Variants in LSAMP observed in about 807,000 individuals in gnomAD.
LSAMP encodes the protein limbic system associated membrane protein.
In LSAMP, 7 loss-of-function variants were observed where a neutral mutation model predicts 38.6. That is an observed-to-expected ratio of 0.18 (90% CI 0.10 to 0.34). LSAMP has a LOEUF of 0.34. Among genes scored for constraint, LSAMP ranks in the 10% least tolerant of loss-of-function variants. The pLI, the probability that LSAMP is intolerant of heterozygous loss-of-function variation, is 1.00. For synonymous variants in LSAMP, 154 were observed against 166.8 expected (o/e 0.92, Z 0.59); for missense variants, 313 against 420.0 (o/e 0.75, Z 2.23).
Position 116,240,292 on chromosome 3 carries a change from A to C in LSAMP, c.156-153736T>G, listed in dbSNP as rs186108949. On this transcript the variant is annotated intron_variant, in intron 1 of 6. Coordinates refer to ENST00000490035, the MANE Select transcript of LSAMP (RefSeq NM_002338.5). ...TCTTTTGGAGCTTTTGTAAGATGGCAGACTTTAGTGAGAAAACCATGTCAG... is the reference window on the plus strand; with the variant it reads ...TCTTTTGGAGCTTTTGTAAGATGGCCGACTTTAGTGAGAAAACCATGTCAG... 2.3e-3 allele frequency among the ~76,000 whole-genome samples: 357 copies of C among 152,326 alleles called. 4 individuals are homozygous for C. Among genetic ancestry groups the C allele is most frequent in the African/African-American group, 8.3e-3 (344 of 41,568 alleles).
intron 3 of LSAMP, among the ~76,000 whole-genome samples, chr3:115,880,557 C>G (rs138400220): frequency 3.3e-5 from 5 of 151,976 alleles, no homozygotes; most frequent in African/African-American, 1.2e-4. Context: ...TAAAGGACTA[C>G]GCTGAAAATT....
intron 2 of LSAMP, among the ~76,000 whole-genome samples, chr3:116,057,934 C>A (rs559104755): frequency 8.4e-6 from 1 of 119,328 alleles, no homozygotes; most frequent in Non-Finnish European, 1.7e-5. Flanking sequence ...ATAGTAGCTA[C>A]ACACACACAC....
chr3:115,935,088 A>G (rs1177289825), intron 3 of LSAMP, among the ~76,000 whole-genome samples: 2 of 151,552 alleles, frequency 1.3e-5, no homozygotes, highest in African/African-American at 2.4e-5. Flanking sequence ...AAATAATGAG[A>G]AAAAAAAAGG....
chr3:116,421,843 G>T (rs1274600719), intron 1 of LSAMP, among the ~76,000 whole-genome samples: 2 of 152,106 alleles, frequency 1.3e-5, no homozygotes, highest in Non-Finnish European at 2.9e-5. Flanking sequence ...AACCTAAAAT[G>T]GTGTAGTTAT....
intron 1 of LSAMP, among the ~76,000 whole-genome samples, chr3:116,222,805 G>A (rs750115114): frequency 8.5e-5 from 11 of 128,956 alleles, no homozygotes; most frequent in East Asian, 2.3e-4. Flanking sequence ...GCGCGATCTC[G>A]GCTCACTGCA....
intron 1 of LSAMP, among the ~76,000 whole-genome samples, chr3:116,317,395 T>C (rs935843705): frequency 2.7e-5 from 4 of 150,414 alleles, no homozygotes; most frequent in Non-Finnish European, 5.9e-5. Flanking sequence ...TCGCTCTGTC[T>C]CCCAGGCTGG....
chr3:115,990,252 C>G (rs1366024408), intron 3 of LSAMP, among the ~76,000 whole-genome samples: 1 of 151,898 alleles, frequency 6.6e-6, no homozygotes, highest in East Asian at 1.9e-4. Context: ...TCATAATGAT[C>G]AATTTAATCA....
chr3:116,386,939 T>C (rs1007048586), intron 1 of LSAMP, among the ~76,000 whole-genome samples: 1 of 152,162 alleles, frequency 6.6e-6, no homozygotes, highest in African/African-American at 2.4e-5. Context: ...AGAAGATATG[T>C]CTGGTCAAAT....
chr3:116,265,495 C>T (rs2046879735), intron 1 of LSAMP, among the ~76,000 whole-genome samples: 1 of 152,120 alleles, frequency 6.6e-6, no homozygotes, highest in South Asian at 2.1e-4. Context: ...TAGCGTATAC[C>T]CTGCCAGAAC....
At position 116,445,431 on chromosome 3, in the gene LSAMP, C is replaced by T. The variant is rs1183322233; in HGVS notation, c.-400G>A. Reference sequence around the variant, plus strand: ...CCACTTTCCCAGGCTGGCGGGCGGGCGGGCGAGGGAGCCGGCACCAAGCCT... The same window carrying T: ...CCACTTTCCCAGGCTGGCGGGCGGGTGGGCGAGGGAGCCGGCACCAAGCCT... On this transcript the variant is annotated 5_prime_UTR_variant, in exon 1 of 7. Coordinates refer to ENST00000490035, the MANE Select transcript of LSAMP (RefSeq NM_002338.5). The T allele has an allele frequency of 2.3e-5, 5 of 217,774 alleles. No individual in the cohort carries two copies. The highest frequency in any genetic ancestry group is 1.6e-4 in the Admixed American group (3 of 19,120). 13.5% of individuals were successfully genotyped at this position (217,774 alleles called of 1,614,324 possible).
At chr3:116,033,763 G>C (rs748691971) in intron 2 of LSAMP, among the ~76,000 whole-genome samples, 1 of 152,040 alleles carries the variant, frequency 6.6e-6, no homozygotes, top group East Asian at 1.9e-4. Flanking sequence ...AACTGCCACT[G>C]GAACTCTGGG....
intron 1 of LSAMP, among the ~76,000 whole-genome samples, chr3:116,139,837 T>C (rs966259461): frequency 6.6e-6 from 1 of 151,984 alleles, no homozygotes; most frequent in Non-Finnish European, 1.5e-5. Context: ...CATTTCAGTA[T>C]AGAGAGGGGA....
intron 3 of LSAMP, among the ~76,000 whole-genome samples, chr3:115,997,844 TATTATGTATTTTATATATTAGAATATAC>T (rs1484439764): frequency 1.4e-5 from 2 of 145,804 alleles, no homozygotes; most frequent in African/African-American, 5.0e-5. Flanking sequence ...TTAGAATATA[TATTATGTATTTTATATATTAGAATATAC>T]AATATACATT....
chr3:115,970,548 T>G (rs1394210840), intron 3 of LSAMP, among the ~76,000 whole-genome samples: 1 of 152,170 alleles, frequency 6.6e-6, no homozygotes, highest in East Asian at 1.9e-4. Context: ...CCCTTGGACC[T>G]TAGTGTACTT....
At chr3:116,397,711 T>C (rs902171116) in intron 1 of LSAMP, among the ~76,000 whole-genome samples, 1 of 151,276 alleles carries the variant, frequency 6.6e-6, no homozygotes, top group Non-Finnish European at 1.5e-5. Context: ...GTGAATATAG[T>C]AGAAAATAAA....
chr3:115,873,955 A>G (rs1422907198), intron 3 of LSAMP, among the ~76,000 whole-genome samples: 6 of 152,166 alleles, frequency 3.9e-5, no homozygotes, highest in Non-Finnish European at 8.8e-5. Context: ...TTCTGAAGGC[A>G]CTGACTACTA....
intron 1 of LSAMP, among the ~76,000 whole-genome samples, chr3:116,121,482 T>C (rs1007796115): frequency 3.3e-5 from 5 of 152,228 alleles, no homozygotes; most frequent in African/African-American, 1.2e-4. Context: ...ATTAAGATAC[T>C]GGCAATGTTG....
chr3:115,915,494 G>T lies in LSAMP; in HGVS notation c.515-62877C>A, dbSNP rs78261397. ...ACAATATAACTTAGATTTCCCAGCA[G>T]TTAAAGGCTGGAATGATTTAAGAAT... On this transcript the variant is annotated intron_variant, in intron 3 of 6. Transcript: ENST00000490035. Among the ~76,000 whole-genome samples the T allele has an allele frequency of 3.9e-4, 59 of 152,288 alleles. 1 individual carries two copies. The East Asian group carries it at 0.011, about 29-fold the overall frequency.
chr3:116,008,399 TC>T (rs1484807253), intron 3 of LSAMP, among the ~76,000 whole-genome samples: 1 of 152,230 alleles, frequency 6.6e-6, no homozygotes, highest in Non-Finnish European at 1.5e-5. Flanking sequence ...CATACATTTT[TC>T]AAACTAGTTT....
Sources: allele counts gnomAD v4.1 joint callset (sites outside exome capture counted in the v4.1 genomes callset), GRCh38; gene constraint gnomAD v4.1.1; transcripts MANE v1.5; gene names NCBI Gene and HGNC (gene_info 2026-07-23, HGNC 2026-07-21).